The following PSMD14 variants were observed in gnomAD, a reference collection of about 807,000 sequenced individuals.
PSMD14 encodes the protein ubiquitin C-terminal hydrolase PSMD14.
Under a neutral mutation model 41.2 loss-of-function variants are expected in PSMD14, and 7 were observed. The ratio of observed to expected loss-of-function variants is 0.17; its 90% confidence interval spans 0.10 to 0.32. The LOEUF is 0.32. PSMD14 is among the 10% of genes least tolerant of loss of function. The pLI, the probability that PSMD14 is intolerant of heterozygous loss-of-function variation, is 1.00. For missense variants in PSMD14, 139 were observed against 375.6 expected, an observed-to-expected ratio of 0.37 and a Z score of 5.21; for synonymous variants, 114 against 122.3, an observed-to-expected ratio of 0.93 and a Z score of 0.45.
chr2:161,369,457 A>T (rs1356176392), intron 5 of PSMD14, among the ~76,000 whole-genome samples: 2 of 152,084 alleles, frequency 1.3e-5, no homozygotes, highest in African/African-American at 4.8e-5. Context: ...CCTGTTCTTG[A>T]GGATGTACTC....
At chr2:161,364,746 A>G (rs958395905) in intron 3 of PSMD14, among the ~76,000 whole-genome samples, 55 of 152,186 alleles carry the variant, frequency 3.6e-4, no homozygotes, top group Middle Eastern at 3.4e-3. Context: ...ACTGGTACCA[A>G]CCTTCTCTAG....
chr2:161,360,309 C>T (rs1683271713), intron 3 of PSMD14, among the ~76,000 whole-genome samples: 1 of 151,500 alleles, frequency 6.6e-6, no homozygotes, highest in African/African-American at 2.4e-5. Flanking sequence ...ACCTCAGCCA[C>T]CCAAGTAGCT....
Position 161,381,064 on chromosome 2 carries a change from A to G in PSMD14, c.463-4400A>G, listed in dbSNP as rs190660528. ...ATTTACTTTATATAGTGATGGTTTT[A>G]TGTTTTAAAATATGTAATCTAACTA... On this transcript the variant is annotated intron_variant, in intron 7 of 11. Coordinates refer to ENST00000409682, the MANE Select transcript of PSMD14 (RefSeq NM_005805.6). 5.9e-4 allele frequency among the ~76,000 whole-genome samples: 90 copies of G among 151,936 alleles called. No homozygotes were observed. In the Middle Eastern group the frequency reaches 0.01, roughly 17 times the overall value.
chr2:161,401,423 GT>G (rs1346957212), intron 10 of PSMD14, among the ~76,000 whole-genome samples: 1 of 152,318 alleles, frequency 6.6e-6, no homozygotes, highest in African/African-American at 2.4e-5. Context: ...TTGACAGAAC[GT>G]AGTTAAATGG....
chr2:161,401,355 C>T (rs138442910), intron 10 of PSMD14, among the ~76,000 whole-genome samples: 2 of 152,328 alleles, frequency 1.3e-5, no homozygotes, highest in African/African-American at 2.4e-5. Context: ...TCACCTGTGA[C>T]GGGTTAGCAC....
chr2:161,342,693 T>G (rs1411187796), intron 3 of PSMD14, among the ~76,000 whole-genome samples: 2 of 152,160 alleles, frequency 1.3e-5, no homozygotes, highest in African/African-American at 2.4e-5. Flanking sequence ...TTTCACAAAA[T>G]TATTGAATGT....
intron 7 of PSMD14, 50 bp downstream of exon 7, chr2:161,371,372 A>G (rs1168527258): frequency 2.0e-6 from 3 of 1,518,352 alleles, no homozygotes; most frequent in Admixed American, 4.0e-5. Flanking sequence ...TTCTGTTTAC[A>G]GATACATTAA....
intron 9 of PSMD14, among the ~76,000 whole-genome samples, chr2:161,394,085 C>T (rs1683757360): frequency 1.3e-5 from 2 of 148,922 alleles, no homozygotes; most frequent in South Asian, 2.1e-4. Flanking sequence ...GATTCTTCTG[C>T]CTCAGCCTCC....
chr2:161,346,506 AT>A (rs902092591), intron 3 of PSMD14, among the ~76,000 whole-genome samples: 1 of 147,046 alleles, frequency 6.8e-6, no homozygotes, highest in East Asian at 2.0e-4. Flanking sequence ...TGTGGGCCAT[AT>A]TTTTTTTGCT....
chr2:161,389,589 AAC>A (rs1683679609), intron 8 of PSMD14, among the ~76,000 whole-genome samples: 1 of 152,146 alleles, frequency 6.6e-6, no homozygotes, highest in South Asian at 2.1e-4. Context: ...TCACTTTTAT[AAC>A]AGACATTGGT....
chr2:161,401,264 T>C (rs1005700936), intron 10 of PSMD14, among the ~76,000 whole-genome samples: 21 of 152,230 alleles, frequency 1.4e-4, no homozygotes, highest in Non-Finnish European at 2.5e-4. Flanking sequence ...TGTTAACTGT[T>C]TATATTATCA....
At chr2:161,406,662 T>C (rs1683951893) in intron 10 of PSMD14, among the ~76,000 whole-genome samples, 1 of 152,150 alleles carries the variant, frequency 6.6e-6, no homozygotes, top group East Asian at 1.9e-4. Flanking sequence ...AGAGATATGC[T>C]TACTCTTTTG....
chr2:161,331,428 T>C (rs1682789608), intron 3 of PSMD14, among the ~76,000 whole-genome samples: 2 of 151,986 alleles, frequency 1.3e-5, no homozygotes, highest in African/African-American at 4.8e-5. Context: ...AGGGCTAATT[T>C]TTTGTATTTT....
At chr2:161,314,188 T>G (rs539637095) in intron 1 of PSMD14, among the ~76,000 whole-genome samples, 4 of 152,364 alleles carry the variant, frequency 2.6e-5, no homozygotes, top group Admixed American at 6.5e-5. Flanking sequence ...TGTGTACACT[T>G]TAGCATTTTT....
chr2:161,400,726 TG>T (rs1683863812), intron 10 of PSMD14, among the ~76,000 whole-genome samples: 1 of 151,966 alleles, frequency 6.6e-6, no homozygotes, highest in African/African-American at 2.4e-5. Flanking sequence ...GCTAATTTTT[TG>T]TAGAGATGGG....
chr2:161,356,550 A>G (rs1683200902), intron 3 of PSMD14, among the ~76,000 whole-genome samples: 1 of 152,072 alleles, frequency 6.6e-6, no homozygotes, highest in Admixed American at 6.6e-5. Flanking sequence ...ATTAAGAATT[A>G]TTTTCCATCA....
At chr2:161,311,691 G>T (rs1489289882) in intron 1 of PSMD14, among the ~76,000 whole-genome samples, 2 of 145,442 alleles carry the variant, frequency 1.4e-5, no homozygotes, top group Non-Finnish European at 3.0e-5. Flanking sequence ...GAGTGCAGTG[G>T]CGTGATCTTG....
At chr2:161,341,387 CCTTTGTTAATGAATTTTATGAGTT>C (rs1245760571) in intron 3 of PSMD14, 1 of 825,854 alleles carries the variant, frequency 1.2e-6, no homozygotes, top group Non-Finnish European at 1.5e-6. Context: ...CGCGCCCCGT[CCTTTGTTAATGAATTTTATGAGTT>C]CTTTATATGT....
At chr2:161,331,766 A>T (rs183069729) in intron 3 of PSMD14, among the ~76,000 whole-genome samples, 108 of 152,120 alleles carry the variant, frequency 7.1e-4, no homozygotes, top group African/African-American at 2.3e-3. Context: ...TCTGGAATTT[A>T]AAAAAAATGG....
Sources: gnomAD v4.1 joint callset for allele counts (sites outside exome capture counted in the v4.1 genomes callset) on GRCh38, gnomAD v4.1.1 for gene constraint, MANE v1.5 for transcripts, NCBI Gene and HGNC (gene_info 2026-07-23, HGNC 2026-07-21) for gene names.